Variants in XRRA1 observed in about 807,000 individuals in gnomAD.
XRRA1 encodes X-ray radiation resistance-associated protein 1.
A neutral mutation model predicts 80.2 loss-of-function variants in XRRA1; 69 were observed. The observed-to-expected ratio is 0.86, with a 90% confidence interval of 0.71 to 1.05. The LOEUF (loss-of-function observed/expected upper bound fraction) is 1.05, where lower values mean the gene tolerates loss of function less well. XRRA1 is among the 50% of genes least tolerant of loss of function. XRRA1 has a pLI of 0.00. For synonymous variants in XRRA1, 348 were observed against 389.9 expected (o/e 0.89, Z 1.27); for missense variants, 967 against 976.4 (o/e 0.99, Z 0.13).
At chr11:74,896,890 C>A (rs762178145) in intron 10 of XRRA1, among the ~76,000 whole-genome samples, 12 of 152,106 alleles carry the variant, frequency 7.9e-5, no homozygotes, top group Non-Finnish European at 1.0e-4. Flanking sequence ...CAAGTCCCTT[C>A]AAATACCTGG....
At chr11:74,945,808 A>G (rs541648158) in intron 1 of XRRA1, among the ~76,000 whole-genome samples, 2 of 152,074 alleles carry the variant, frequency 1.3e-5, no homozygotes, top group East Asian at 3.9e-4. Flanking sequence ...TCTCTCACAC[A>G]CACACACACA....
intron 12 of XRRA1, among the ~76,000 whole-genome samples, chr11:74,855,434 T>C (rs10501418): frequency 0.12 from 18,526 of 152,190 alleles, 2,490 homozygotes; most frequent in African/African-American, 0.34. Flanking sequence ...GTCATGTGTG[T>C]GGTATTTTCT....
chr11:74,937,836 C>G lies in XRRA1; in HGVS notation c.95-768G>C, dbSNP rs188105021. Among the ~76,000 whole-genome samples, 7 of 152,280 alleles carry G rather than the reference C, an allele frequency of 4.6e-5. No individual in the cohort carries two copies. In the East Asian group the frequency reaches 1.2e-3, roughly 25 times the overall value. Reference sequence around the variant, plus strand: ...TCTGTCTCCCTCTCTAGAGTGGAAGCTCCGTAAGAGCAGGGACTTTATCTG... The same window carrying G: ...TCTGTCTCCCTCTCTAGAGTGGAAGGTCCGTAAGAGCAGGGACTTTATCTG... On this transcript the variant is annotated intron_variant, in intron 3 of 18. Coordinates refer to ENST00000684022, the MANE Select transcript of XRRA1 (RefSeq NM_001378157.1).
At position 74,933,827 on chromosome 11, in the gene XRRA1, T is replaced by C. The variant is rs1398445174; in HGVS notation, c.325A>G (p.Asn109Asp). The C allele has an allele frequency of 1.2e-6, 2 of 1,601,562 alleles. No individual in the cohort carries two copies. Among genetic ancestry groups the C allele is most frequent in the Admixed American group, 1.7e-5 (1 of 58,400 alleles). Residue 109 changes from asparagine (N) to aspartate (D), a missense_variant, in exon 5 of 19, where the codon AAT (asparagine) becomes GAT (aspartate). Transcript: ENST00000684022. The part of the protein sequence containing the change: ...VRKPSDLCTI[N>D]VSGLKFSKAK... ...TTGGAGAACTTCAGGCCACTCACAT[T>C]AATGGTGCACAGATCTGATGGCTTC...
intron 10 of XRRA1, among the ~76,000 whole-genome samples, chr11:74,890,932 G>A (rs1027076158): frequency 4.6e-5 from 7 of 152,066 alleles, no homozygotes; most frequent in Non-Finnish European, 7.4e-5. Flanking sequence ...ACCAAAAAAC[G>A]TCCAGGACCA....
intron 15 of XRRA1, among the ~76,000 whole-genome samples, chr11:74,847,200 T>C (rs901306769): frequency 1.3e-4 from 20 of 152,344 alleles, no homozygotes; most frequent in African/African-American, 4.6e-4. Flanking sequence ...TTTTATACTG[T>C]ATAAATTTAT....
chr11:74,850,916 G>C (rs2039663756), intron 14 of XRRA1, 172 bp downstream of exon 14: 2 of 437,322 alleles, frequency 4.6e-6, no homozygotes, highest in East Asian at 8.0e-5. Flanking sequence ...TTTCATATCT[G>C]TTGTTTCATC....
intron 11 of XRRA1, among the ~76,000 whole-genome samples, chr11:74,862,356 C>T (rs2042482509): frequency 6.6e-6 from 1 of 152,216 alleles, no homozygotes; most frequent in Admixed American, 6.5e-5. Context: ...GAATTTCTCA[C>T]ACAGTTCTAT....
rs576651926 is a variant in XRRA1 at position 74,905,775 on chromosome 11, C to T, written c.1003+464G>A. 3.9e-5 allele frequency among the ~76,000 whole-genome samples: 6 copies of T among 152,164 alleles called. No homozygotes were observed. The South Asian group carries it at 1.2e-3, about 32-fold the overall frequency. On this transcript the variant is annotated intron_variant, in intron 10 of 18. Coordinates refer to ENST00000684022, the MANE Select transcript of XRRA1 (RefSeq NM_001378157.1). ...AGATCTGGGTCTCAGCTACATGAAG[C>T]CCATCATAGCTCGGAGACACCAGCA...
rs1024277284 is a variant in XRRA1, at chr11:74,908,484, A to G, written c.657-1211T>C. On this transcript the variant is annotated intron_variant, in intron 8 of 18. Transcript: ENST00000684022. The stretch of plus-strand genomic sequence containing the variant: ...TTAACAAAGGTTGGCAGTGAGTTCA[A>G]AAGCTAGGACAGTAATGTATACCTG... 9.1e-4 allele frequency among the ~76,000 whole-genome samples: 138 copies of G among 152,224 alleles called. 1 individual carries two copies. Among genetic ancestry groups the G allele is most frequent in the African/African-American group, 3.1e-3 (130 of 41,446 alleles).
chr11:74,881,274 A>G (rs1225921152), intron 10 of XRRA1, among the ~76,000 whole-genome samples: 2 of 151,524 alleles, frequency 1.3e-5, no homozygotes, highest in African/African-American at 4.9e-5. Flanking sequence ...ATCCGAGACT[A>G]GGATTGCAAC....
At chr11:74,934,466 T>C (rs1444091304) in intron 4 of XRRA1, among the ~76,000 whole-genome samples, 2 of 152,192 alleles carry the variant, frequency 1.3e-5, no homozygotes, top group Admixed American at 1.3e-4. Flanking sequence ...TACAGTGTCA[T>C]GGGAAGCCAA....
chr11:74,844,295 A>G lies in XRRA1; in HGVS notation c.1928-12T>C. The G allele has an allele frequency of 6.2e-7, 1 of 1,607,576 alleles. No individual in the cohort carries two copies. Among genetic ancestry groups the G allele is most frequent in the Non-Finnish European group, 8.5e-7 (1 of 1,175,834 alleles). On this transcript the variant is annotated splice_polypyrimidine_tract_variant and intron_variant, in intron 16 of 18. Coordinates refer to ENST00000684022, the MANE Select transcript of XRRA1 (RefSeq NM_001378157.1). ...ATTCTTCTGGATTCCTAGGGCAAGAAGGCAAGACTGAGTCAAGGCACTTCC... is the reference window on the plus strand; with the variant it reads ...ATTCTTCTGGATTCCTAGGGCAAGAGGGCAAGACTGAGTCAAGGCACTTCC...
At chr11:74,945,694 T>C (rs956502620) in intron 1 of XRRA1, among the ~76,000 whole-genome samples, 15 of 152,236 alleles carry the variant, frequency 9.9e-5, no homozygotes, top group African/African-American at 3.6e-4. Context: ...GAGGCTGACT[T>C]CCTGGTTAGC....
chr11:74,940,821 A>G lies in XRRA1; in HGVS notation c.58T>C (p.Phe20Leu), dbSNP rs1157800286. The G allele has an allele frequency of 4.3e-6, 7 of 1,609,378 alleles. No homozygotes were observed. The highest frequency in any genetic ancestry group is 1.7e-4 in the Middle Eastern group (1 of 6,056). Reference sequence around the variant, plus strand: ...ACGCGAAGCAGATTTCTGGCTGGGAAGCAGTTGTTCAGGTAAGGCTTCCCA... The same window carrying G: ...ACGCGAAGCAGATTTCTGGCTGGGAGGCAGTTGTTCAGGTAAGGCTTCCCA... ...DDGKPYLNNC[F>L]PARNLLRVPE... The change falls in exon 3 of 19, where the codon TTC (phenylalanine) becomes CTC (leucine). Residue 20 changes from phenylalanine to leucine, a missense_variant. Coordinates refer to ENST00000684022, the MANE Select transcript of XRRA1 (RefSeq NM_001378157.1).
chr11:74,855,274 A>G (rs894091416), intron 12 of XRRA1, among the ~76,000 whole-genome samples: 2 of 151,982 alleles, frequency 1.3e-5, no homozygotes, highest in Non-Finnish European at 2.9e-5. Flanking sequence ...TGTGTGTGCA[A>G]ATCAAGGGGT....
intron 10 of XRRA1, among the ~76,000 whole-genome samples, chr11:74,879,403 T>C (rs946219089): frequency 2.6e-4 from 39 of 152,236 alleles, no homozygotes; most frequent in African/African-American, 8.2e-4. Context: ...AATTATGTTG[T>C]CTGCAAAGAG....
intron 10 of XRRA1, among the ~76,000 whole-genome samples, chr11:74,882,807 C>T (rs200240636): frequency 5.1e-4 from 75 of 146,008 alleles, no homozygotes; most frequent in South Asian, 1.5e-3. Context: ...GGGGGTGCCT[C>T]CCAGTTAGGC....
At chr11:74,914,103 A>T (rs932662071) in intron 8 of XRRA1, among the ~76,000 whole-genome samples, 1 of 152,032 alleles carries the variant, frequency 6.6e-6, no homozygotes, top group African/African-American at 2.4e-5. Flanking sequence ...CTCCTGCTTC[A>T]GTCTCCCGAG....
Sources: allele counts gnomAD v4.1 joint callset (sites outside exome capture counted in the v4.1 genomes callset), GRCh38; gene constraint gnomAD v4.1.1; transcripts MANE v1.5; gene names NCBI Gene and HGNC (gene_info 2026-07-23, HGNC 2026-07-21).